The following GRIK4 variants were observed in gnomAD, a reference collection of about 807,000 sequenced individuals.
GRIK4 encodes the protein glutamate ionotropic receptor kainate type subunit 4.
A neutral mutation model predicts 104.9 loss-of-function variants in GRIK4; 40 were observed. The ratio of observed to expected loss-of-function variants is 0.38; its 90% CI spans 0.30 to 0.50. The LOEUF (loss-of-function observed/expected upper bound fraction) is 0.50. Ranked by LOEUF, GRIK4 falls within the 20% of genes least tolerant of loss-of-function variation. The pLI is 0.93. For missense variants in GRIK4, 1,047 were observed against 1,308.1 expected (o/e 0.80, Z 3.08); for synonymous variants, 485 against 524.9 (o/e 0.92, Z 1.04).
chr11:120,815,261 G>A, intron 4 of GRIK4, 117 bp from the exon 5 acceptor site: 8 of 654,532 alleles, frequency 1.2e-5, no homozygotes, highest in South Asian at 3.5e-5. Context: ...AGGGGCCTGG[G>A]CAGCGGGTGT....
chr11:120,546,898 G>A (rs892734834), intron 1 of GRIK4, among the ~76,000 whole-genome samples: 18 of 152,186 alleles, frequency 1.2e-4, no homozygotes, highest in African/African-American at 4.3e-4. Context: ...AACCAAATAC[G>A]GCTTTGCTTC....
chr11:120,833,352 GTTTTC>G (rs1591971136), intron 7 of GRIK4, among the ~76,000 whole-genome samples: 1 of 151,360 alleles, frequency 6.6e-6, no homozygotes, highest in East Asian at 1.9e-4. Flanking sequence ...CTTTTCCTCT[GTTTTC>G]TCTTATGCCT....
intron 12 of GRIK4, among the ~76,000 whole-genome samples, chr11:120,901,935 T>C (rs888726356): frequency 2.6e-5 from 4 of 152,178 alleles, no homozygotes; most frequent in African/African-American, 9.7e-5. Context: ...TTTAACAACA[T>C]GGTAAGTACA....
intron 1 of GRIK4, among the ~76,000 whole-genome samples, chr11:120,527,012 C>T (rs554591198): frequency 6.6e-6 from 1 of 152,364 alleles, no homozygotes; most frequent in East Asian, 1.9e-4. Flanking sequence ...CTCATTTAAA[C>T]CTCAACAACT....
chr11:120,512,788 C>G (rs1187527218), intron 1 of GRIK4, among the ~76,000 whole-genome samples: 1 of 152,162 alleles, frequency 6.6e-6, no homozygotes, highest in African/African-American at 2.4e-5. Context: ...ACCTGTGTCT[C>G]TTTCCCTGGC....
chr11:120,601,167 A>C (rs1948880906), intron 1 of GRIK4, among the ~76,000 whole-genome samples: 1 of 152,092 alleles, frequency 6.6e-6, no homozygotes, highest in Admixed American at 6.6e-5. Flanking sequence ...GCACTTTGGG[A>C]GGCCGAGGCA....
At chr11:120,568,120 G>A (rs960060473) in intron 1 of GRIK4, among the ~76,000 whole-genome samples, 22 of 152,152 alleles carry the variant, frequency 1.4e-4, no homozygotes, top group Non-Finnish European at 2.5e-4. Flanking sequence ...TAAGGATGCT[G>A]TAAGCTATTA....
intron 3 of GRIK4, among the ~76,000 whole-genome samples, chr11:120,783,984 GGAGGCTGAGGGGACAGGGAGC>G (rs1235920702): frequency 3.9e-5 from 6 of 152,192 alleles, no homozygotes; most frequent in African/African-American, 1.4e-4. Context: ...CCAGCCTCAG[GGAGGCTGAGGGGACAGGGAGC>G]GAGGCAGGGT....
rs548716380 is a variant in GRIK4 at position 120,765,446 on chromosome 11, A to C, written c.83-37247A>C. Among the ~76,000 whole-genome samples the C allele has an allele frequency of 4.6e-5, 7 of 152,170 alleles. No individual in the cohort carries two copies. In the South Asian group the frequency reaches 1.2e-3, roughly 27 times the overall value. ...GGAGTTCGTTATTACCCACCTTCTG[A>C]AGCCTACTTCTATCAATTCGTCAAA... On this transcript the variant is annotated intron_variant, in intron 3 of 20. Transcript: ENST00000527524.
intron 3 of GRIK4, among the ~76,000 whole-genome samples, chr11:120,697,763 A>G (rs1333472064): frequency 1.3e-5 from 2 of 152,080 alleles, no homozygotes; most frequent in Non-Finnish European, 2.9e-5. Flanking sequence ...GCATACTCCT[A>G]GGGCGTGATT....
At position 120,831,839 on chromosome 11, in the gene GRIK4, C is replaced by T. The variant is rs538798480; in HGVS notation, c.512-13C>T. On this transcript the variant is annotated splice_polypyrimidine_tract_variant and intron_variant, in intron 6 of 20. Coordinates refer to ENST00000527524, the MANE Select transcript of GRIK4 (RefSeq NM_014619.5). The stretch of plus-strand genomic sequence containing the variant: ...TGTGGACCCTCAGGGGCTTCATCCT[C>T]TCTCCCCTCCAGGCCTTTTAAACCT... The T allele has an allele frequency of 6.2e-7, 1 of 1,605,918 alleles. No homozygotes were observed. Among genetic ancestry groups the T allele is most frequent in the Non-Finnish European group, 8.5e-7 (1 of 1,173,418 alleles).
At chr11:120,678,600 C>A (rs375793728) in intron 3 of GRIK4, among the ~76,000 whole-genome samples, 4 of 149,560 alleles carry the variant, frequency 2.7e-5, no homozygotes, top group African/African-American at 9.8e-5. Context: ...ATAGACCAGG[C>A]GAGGGGCTCC....
At chr11:120,767,840 A>G (rs1951866492) in intron 3 of GRIK4, among the ~76,000 whole-genome samples, 1 of 152,154 alleles carries the variant, frequency 6.6e-6, no homozygotes, top group Non-Finnish European at 1.5e-5. Flanking sequence ...TGCCCTTGTC[A>G]AAAATCAGTT....
At chr11:120,644,059 G>GAGGAGA (rs796173721) in intron 1 of GRIK4, among the ~76,000 whole-genome samples, 83 of 121,114 alleles carry the variant, frequency 6.9e-4, no homozygotes, top group African/African-American at 2.8e-3. Context: ...GAGAGAGAGA[G>GAGGAGA]GAGAGAGAGA....
chr11:120,583,068 C>T (rs1350551069), intron 1 of GRIK4, among the ~76,000 whole-genome samples: 4 of 152,152 alleles, frequency 2.6e-5, no homozygotes, highest in Non-Finnish European at 5.9e-5. Context: ...GAGATGATAT[C>T]GCCTTGCGGT....
chr11:120,835,934 G>A (rs1214508122), intron 7 of GRIK4, among the ~76,000 whole-genome samples: 2 of 152,202 alleles, frequency 1.3e-5, no homozygotes, highest in African/African-American at 4.8e-5. Flanking sequence ...GATGCGCTGT[G>A]ATCAAGGGTG....
At chr11:120,877,405 G>A (rs1954850860) in intron 11 of GRIK4, among the ~76,000 whole-genome samples, 1 of 152,190 alleles carries the variant, frequency 6.6e-6, no homozygotes, top group African/African-American at 2.4e-5. Flanking sequence ...AACCGTAAGT[G>A]CAAATGTGGG....
At chr11:120,927,931 G>T (rs1943388901) in intron 13 of GRIK4, among the ~76,000 whole-genome samples, 1 of 152,114 alleles carries the variant, frequency 6.6e-6, no homozygotes, top group Non-Finnish European at 1.5e-5. Context: ...TAAGAAGGCA[G>T]GCCAGGCATG....
At chr11:120,867,513 T>C (rs950377767) in intron 9 of GRIK4, among the ~76,000 whole-genome samples, 1 of 152,140 alleles carries the variant, frequency 6.6e-6, no homozygotes, top group Non-Finnish European at 1.5e-5. Context: ...CGATGTTCCC[T>C]GCTCTTTCTT....
Sources: gnomAD v4.1 joint callset for allele counts (sites outside exome capture counted in the v4.1 genomes callset) on GRCh38, gnomAD v4.1.1 for gene constraint, MANE v1.5 for transcripts, NCBI Gene and HGNC (gene_info 2026-07-23, HGNC 2026-07-21) for gene names.